The following GRAMD1B variants were observed in gnomAD, a reference collection of about 807,000 sequenced individuals.
GRAMD1B encodes protein Aster-B.
In GRAMD1B, 37 loss-of-function variants were observed where a neutral mutation model predicts 99.7. The observed-to-expected ratio is 0.37, with a 90% confidence interval of 0.29 to 0.49. The LOEUF (loss-of-function observed/expected upper bound fraction) is 0.49, where lower values mean the gene tolerates loss of function less well. Ranked by LOEUF, GRAMD1B falls within the 20% of genes least tolerant of loss-of-function variation. GRAMD1B has a pLI of 0.98. For synonymous variants in GRAMD1B, 427 were observed against 387.6 expected (o/e 1.10, Z -1.19); for missense variants, 888 against 1,009.2 (o/e 0.88, Z 1.63).
At chr11:123,494,419 CTTTTTT>C (rs772746624) in intron 2 of GRAMD1B, among the ~76,000 whole-genome samples, 4 of 138,626 alleles carry the variant, frequency 2.9e-5, no homozygotes, top group African/African-American at 7.9e-5. Context: ...CACTTAAGGC[CTTTTTT>C]TTTTTTTTTT....
rs373674570 is a variant in GRAMD1B at position 123,593,813 on chromosome 11, G to A, written c.685-269G>A. On this transcript the variant is annotated intron_variant, in intron 4 of 19. Coordinates refer to ENST00000635736, the MANE Select transcript of GRAMD1B (RefSeq NM_001387025.1). ...GGTGTCCCTCCTTCCTTTCTCTTAC[G>A]GGATATAACGAGAGCCCCTCCTTGC... is the stretch of plus-strand genomic sequence containing the variant. Among the ~76,000 whole-genome samples, 627 of 152,170 alleles carry A rather than the reference G, an allele frequency of 4.1e-3. 4 individuals are homozygous for A. Among genetic ancestry groups the A allele is most frequent in the South Asian group, 0.014 (68 of 4,816 alleles).
intron 2 of GRAMD1B, among the ~76,000 whole-genome samples, chr11:123,529,563 T>C (rs978819059): frequency 1.3e-5 from 2 of 152,106 alleles, no homozygotes; most frequent in African/African-American, 4.8e-5. Context: ...GTAAGGGCAG[T>C]GGTGGAGGAG....
upstream of GRAMD1B, among the ~76,000 whole-genome samples, chr11:123,429,951 G>C (rs934184623): frequency 6.6e-6 from 1 of 152,170 alleles, no homozygotes; most frequent in Non-Finnish European, 1.5e-5. The surrounding 1 kb of genome is among the most constrained non-coding windows in gnomAD (Gnocchi z 4.0). Context: ...TGGGTGGCCT[G>C]AGAGAGTGAG....
In GRAMD1B at chr11:123,492,295, G is replaced by A. The variant is rs953988162; in HGVS notation, c.452+11402G>A. 4.6e-5 allele frequency among the ~76,000 whole-genome samples: 7 copies of A among 152,184 alleles called. No homozygotes were observed. Among genetic ancestry groups the A allele is most frequent in the African/African-American group, 1.7e-4 (7 of 41,464 alleles). ...GTAGGGAACAGTGTAGTCTGCCTGT[G>A]TAGCATCCCCTGGACAGGGGCGCTG... On this transcript the variant is annotated intron_variant, in intron 2 of 19. Coordinates refer to ENST00000635736, the MANE Select transcript of GRAMD1B (RefSeq NM_001387025.1). This position sits in a 1 kb window ranked among gnomAD's most constrained non-coding sequence, Gnocchi z 4.2.
chr11:123,558,337 C>G (rs1946372665), intron 2 of GRAMD1B, among the ~76,000 whole-genome samples: 1 of 151,952 alleles, frequency 6.6e-6, no homozygotes, highest in South Asian at 2.1e-4. Flanking sequence ...GCTGGAGGGA[C>G]ATGAAAGAAA....
In GRAMD1B at chr11:123,626,101, G is replaced by A. The variant is rs1955501188; in HGVS notation, c.*3506G>A. ...TGGGAGAAGAACATTCTTTTCAATG[G>A]AGCTCATCTTCTATCTCTAGGGTCT... is the stretch of plus-strand genomic sequence containing the variant. On this transcript the variant is annotated 3_prime_UTR_variant, in exon 20 of 20. Coordinates refer to ENST00000635736, the MANE Select transcript of GRAMD1B (RefSeq NM_001387025.1). The A allele has an allele frequency of 6.6e-6, 1 of 152,174 alleles. No homozygotes were observed. Among genetic ancestry groups the A allele is most frequent in the African/African-American group, 2.4e-5 (1 of 41,408 alleles). 9.4% of individuals were successfully genotyped at this position (152,174 alleles called of 1,614,324 possible).
At chr11:123,365,726 A>T (rs896554885) in intron 1 of GRAMD1B, among the ~76,000 whole-genome samples, 8 of 152,348 alleles carry the variant, frequency 5.3e-5, no homozygotes, top group African/African-American at 1.7e-4. Flanking sequence ...GAACAGAGAA[A>T]TAGCCTATAT....
At chr11:123,512,703 C>T (rs1033744692) in intron 2 of GRAMD1B, among the ~76,000 whole-genome samples, 109 of 102,982 alleles carry the variant, frequency 1.1e-3, no homozygotes, top group African/African-American at 3.7e-3. Flanking sequence ...CATTGTGAAT[C>T]TTTTTTTTTT....
chr11:123,547,063 C>G (rs1945100420), intron 2 of GRAMD1B, among the ~76,000 whole-genome samples: 1 of 152,070 alleles, frequency 6.6e-6, no homozygotes, highest in Admixed American at 6.6e-5. Flanking sequence ...GGAAGAGACC[C>G]CATGGTTTCT....
intron 1 of GRAMD1B, among the ~76,000 whole-genome samples, chr11:123,442,319 A>G (rs1949446267): frequency 6.6e-6 from 1 of 152,082 alleles, no homozygotes; most frequent in African/African-American, 2.4e-5. Flanking sequence ...CCAACTATAA[A>G]CCAGAGTTCC....
At chr11:123,536,435 A>T (rs1488919337) in intron 2 of GRAMD1B, among the ~76,000 whole-genome samples, 1 of 152,198 alleles carries the variant, frequency 6.6e-6, no homozygotes, top group African/African-American at 2.4e-5. Context: ...TAAATAAATG[A>T]AAAATAAAAT....
In GRAMD1B at chr11:123,503,552, C is replaced by CTT. The variant is rs56215248; in HGVS notation, c.452+22670_452+22671dup. Among the ~76,000 whole-genome samples, 82 of 146,536 alleles carry CTT rather than the reference C, an allele frequency of 5.6e-4. 1 individual carries two copies. Among genetic ancestry groups the CTT allele is most frequent in the Admixed American group, 8.8e-4 (13 of 14,822 alleles). On this transcript the variant is annotated intron_variant, in intron 2 of 19. Transcript: ENST00000635736. ...TACTGCATTTTCATTTAAATTTCAC[C>CTT]TTTTTTTTTTTTGTGATGGAGTTTC... is the stretch of plus-strand genomic sequence containing the variant.
At chr11:123,537,694 A>G (rs1236715560) in intron 2 of GRAMD1B, among the ~76,000 whole-genome samples, 2 of 152,196 alleles carry the variant, frequency 1.3e-5, no homozygotes, top group African/African-American at 2.4e-5. Context: ...AGCAAAACAC[A>G]TTTGTACCTT....
intron 2 of GRAMD1B, among the ~76,000 whole-genome samples, chr11:123,561,974 G>A (rs950804332): frequency 5.9e-5 from 9 of 152,098 alleles, no homozygotes; most frequent in Non-Finnish European, 1.3e-4. Context: ...CAGCTAGTCC[G>A]GTTACCTCTG....
intron 1 of GRAMD1B, among the ~76,000 whole-genome samples, chr11:123,414,856 T>A (rs902421230): frequency 6.6e-6 from 1 of 152,168 alleles, no homozygotes; most frequent in Non-Finnish European, 1.5e-5. Flanking sequence ...AACTGGATAG[T>A]GGAGCAGGGA....
chr11:123,387,494 G>T (rs80137258), intron 1 of GRAMD1B, among the ~76,000 whole-genome samples: 14,915 of 152,080 alleles, frequency 0.098, 2,021 homozygotes, highest in African/African-American at 0.31. Context: ...CAAAAGATGG[G>T]CATTGCAGGG....
intron 1 of GRAMD1B, among the ~76,000 whole-genome samples, chr11:123,462,500 CCT>C (rs1268679243): frequency 6.6e-6 from 1 of 152,202 alleles, no homozygotes; most frequent in Non-Finnish European, 1.5e-5. Context: ...CAGCTCAGCC[CCT>C]GAGTCCCAGC....
At chr11:123,467,309 C>T (rs969691935) in intron 1 of GRAMD1B, among the ~76,000 whole-genome samples, 2 of 151,668 alleles carry the variant, frequency 1.3e-5, no homozygotes, top group Non-Finnish European at 2.9e-5. Flanking sequence ...ATAGGGAGAC[C>T]CTGTCTCAAT....
At chr11:123,500,245 C>T (rs942272241) in intron 2 of GRAMD1B, among the ~76,000 whole-genome samples, 1 of 152,156 alleles carries the variant, frequency 6.6e-6, no homozygotes, top group African/African-American at 2.4e-5. Context: ...CGCTTGAACC[C>T]AGGAGGCAGA....
Sources: allele counts gnomAD v4.1 joint callset (sites outside exome capture counted in the v4.1 genomes callset), GRCh38; gene constraint gnomAD v4.1.1; non-coding constraint Gnocchi (gnomAD v3.1); transcripts MANE v1.5; gene names NCBI Gene and HGNC (gene_info 2026-07-23, HGNC 2026-07-21).